Variants in FRMPD4 observed in about 807,000 individuals in gnomAD.
The protein encoded by FRMPD4 is FERM and PDZ domain-containing protein 4.
FRMPD4 carries 22 observed loss-of-function variants against 94.1 expected under a neutral mutation model. That is an observed-to-expected ratio of 0.23 (90% CI 0.17 to 0.33). FRMPD4 has a LOEUF of 0.33. Ranked by LOEUF, FRMPD4 falls within the 10% of genes least tolerant of loss-of-function variation. The pLI is 1.00. For missense variants in FRMPD4, 1,111 were observed against 1,339.9 expected (o/e 0.83, Z 2.67); for synonymous variants, 631 against 548.6 (o/e 1.15, Z -2.10).
chrX:12,070,103 C>T (rs1395015375), intron 3 of FRMPD4, among the ~76,000 whole-genome samples: 1 of 110,421 alleles, frequency 9.1e-6, no homozygotes, highest in South Asian at 3.9e-4. Context: ...TTGAATGCAG[C>T]TAGCAATGAT....
intron 1 of FRMPD4, among the ~76,000 whole-genome samples, chrX:12,382,278 G>GAAAAATGGGGTGA (rs1448485526): frequency 9.0e-6 from 1 of 111,701 alleles, no homozygotes; most frequent in Non-Finnish European, 1.9e-5. Context: ...TAGGGGTTAG[G>GAAAAATGGGGTGA]AAAAATGGGG....
chrX:12,712,470 G>A (rs772233575), intron 14 of FRMPD4, among the ~76,000 whole-genome samples: 4 of 111,359 alleles, frequency 3.6e-5, no homozygotes, highest in African/African-American at 9.8e-5. Flanking sequence ...GAAACCTTGA[G>A]CCTAGGAGGT....
chrX:12,542,497 G>A (rs749917751), intron 2 of FRMPD4, among the ~76,000 whole-genome samples: 4 of 111,980 alleles, frequency 3.6e-5, no homozygotes, highest in East Asian at 2.8e-4. Context: ...GCTTCAAAGA[G>A]AATAAAATAC....
At chrX:12,308,282 T>C (rs1412170913) in intron 1 of FRMPD4, among the ~76,000 whole-genome samples, 2 of 112,156 alleles carry the variant, frequency 1.8e-5, no homozygotes, top group Non-Finnish European at 3.8e-5. Flanking sequence ...AGAGCTTACA[T>C]AGAAACCATC....
intron 1 of FRMPD4, among the ~76,000 whole-genome samples, chrX:11,830,683 AT>A (rs1012913093): frequency 2.7e-5 from 3 of 111,909 alleles, no homozygotes; most frequent in African/African-American, 9.7e-5. Context: ...GTTTGAAGCC[AT>A]TTCTCCAGAA....
chrX:11,835,023 A>G (rs1323928048), intron 1 of FRMPD4, among the ~76,000 whole-genome samples: 1 of 111,988 alleles, frequency 8.9e-6, no homozygotes. Context: ...TAGCTCCTTT[A>G]TCTTCTTTTC....
At chrX:12,587,626 T>A (rs1317741442) in intron 2 of FRMPD4, among the ~76,000 whole-genome samples, 1 of 93,472 alleles carries the variant, frequency 1.1e-5, no homozygotes, top group Admixed American at 1.2e-4. Context: ...TTTTTATGGC[T>A]GAATAATATT....
At chrX:12,413,085 C>G (rs2056755629) in intron 1 of FRMPD4, among the ~76,000 whole-genome samples, 1 of 111,153 alleles carries the variant, frequency 9.0e-6, no homozygotes, top group African/African-American at 3.3e-5. Flanking sequence ...TCATTGTATG[C>G]TAGATGACTT....
intron 3 of FRMPD4, among the ~76,000 whole-genome samples, chrX:12,002,784 C>T (rs1224329028): frequency 3.6e-5 from 4 of 111,593 alleles, no homozygotes; most frequent in East Asian, 2.8e-4. Context: ...TAGTATTGAG[C>T]GTTGGAGGTG....
chrX:12,266,587 G>A (rs767284314), intron 1 of FRMPD4, among the ~76,000 whole-genome samples: 1 of 111,890 alleles, frequency 8.9e-6, no homozygotes, highest in East Asian at 2.8e-4. Context: ...ATCAAGGGGT[G>A]GGTTGAGTCC....
exon 1 of FRMPD4, among the ~76,000 whole-genome samples, chrX:11,822,545 G>T (rs746940050): frequency 4.4e-4 from 49 of 111,958 alleles, no homozygotes; most frequent in Non-Finnish European, 5.1e-4. Flanking sequence ...AAAGGATGGG[G>T]TCACACAAAG....
chrX:12,162,751 G>A (rs1418293178), intron 1 of FRMPD4, among the ~76,000 whole-genome samples: 1 of 111,798 alleles, frequency 8.9e-6, no homozygotes, highest in Non-Finnish European at 1.9e-5. Flanking sequence ...ACCCCTAGCA[G>A]GTGGCATGTC....
intron 3 of FRMPD4, among the ~76,000 whole-genome samples, chrX:11,997,478 T>C (rs1338281547): frequency 9.8e-5 from 11 of 111,740 alleles, no homozygotes; most frequent in African/African-American, 3.6e-4. Flanking sequence ...CTTACAATAA[T>C]ATGCATTTAC....
chrX:11,855,215 T>A (rs1413907724), intron 1 of FRMPD4, among the ~76,000 whole-genome samples: 3 of 111,629 alleles, frequency 2.7e-5, no homozygotes, highest in African/African-American at 9.8e-5. Flanking sequence ...GGGCACCATG[T>A]CCTGAGGCTG....
At chrX:12,637,362 C>T (rs2059452398) in intron 4 of FRMPD4, among the ~76,000 whole-genome samples, 1 of 112,088 alleles carries the variant, frequency 8.9e-6, no homozygotes, top group African/African-American at 3.2e-5. Flanking sequence ...CCAATATATT[C>T]AAATGACTGT....
At chrX:11,947,701 G>A (rs2054196376) in intron 3 of FRMPD4, among the ~76,000 whole-genome samples, 2 of 111,470 alleles carry the variant, frequency 1.8e-5, no homozygotes, top group Admixed American at 1.9e-4. Flanking sequence ...GGACTAACTG[G>A]GGTCATTTGA....
At chrX:12,543,987 C>G (rs2058446399) in intron 2 of FRMPD4, among the ~76,000 whole-genome samples, 1 of 105,740 alleles carries the variant, frequency 9.5e-6, no homozygotes, top group African/African-American at 3.5e-5. Context: ...ATTGCAGGGA[C>G]AAAAAACCAA....
At chrX:11,935,095 T>TTA (rs869047289) in intron 3 of FRMPD4, among the ~76,000 whole-genome samples, 1 of 49,005 alleles carries the variant, frequency 2.0e-5, no homozygotes, top group Admixed American at 2.5e-4. Context: ...TTTTTTTTTT[T>TTA]AAATTTAACA....
At chrX:11,845,266 A>G (rs1468460736) in intron 1 of FRMPD4, among the ~76,000 whole-genome samples, 2 of 112,225 alleles carry the variant, frequency 1.8e-5, no homozygotes, top group Non-Finnish European at 3.8e-5. Context: ...AAATAAACAG[A>G]AAGAAATAAA....
Sources: allele counts gnomAD v4.1 joint callset (sites outside exome capture counted in the v4.1 genomes callset), GRCh38; gene constraint gnomAD v4.1.1; transcripts MANE v1.5; gene names NCBI Gene and HGNC (gene_info 2026-07-23, HGNC 2026-07-21).